Variants in PAPPA2 observed in about 807,000 individuals in gnomAD.
PAPPA2 encodes pappalysin-2.
PAPPA2 carries 86 observed loss-of-function variants against 176.4 expected under a neutral mutation model. That is an observed-to-expected ratio of 0.49 (90% CI 0.41 to 0.58). The LOEUF (loss-of-function observed/expected upper bound fraction) is 0.58. Ranked by LOEUF, PAPPA2 falls within the 20% of genes least tolerant of loss-of-function variation. The pLI is 0.00. For synonymous variants in PAPPA2, 809 were observed against 852.2 expected (o/e 0.95, Z 0.88); for missense variants, 2,073 against 2,256.9 (o/e 0.92, Z 1.65).
chr1:176,625,150 C>A (rs1376860063), intron 3 of PAPPA2, among the ~76,000 whole-genome samples: 2 of 152,234 alleles, frequency 1.3e-5, no homozygotes, highest in East Asian at 3.9e-4. Flanking sequence ...AGTAAGAAAG[C>A]CAGGGCTCAC....
chr1:176,684,383 A>G (rs1285706135), intron 4 of PAPPA2, among the ~76,000 whole-genome samples: 1 of 152,062 alleles, frequency 6.6e-6, no homozygotes, highest in Non-Finnish European at 1.5e-5. Context: ...GAAGTGAGAG[A>G]AGGTGGGGGA....
rs748449344 is a variant in PAPPA2, at chr1:176,557,041, A to C, written c.719A>C (p.Asn240Thr). 1 of 1,614,088 alleles carries C rather than the reference A, an allele frequency of 6.2e-7. No homozygotes were observed. Among genetic ancestry groups the C allele is most frequent in the Non-Finnish European group, 8.5e-7 (1 of 1,180,002 alleles). Residue 240 changes from asparagine (N) to threonine (T), a missense_variant, in exon 2 of 23, where the codon AAC becomes ACC. Physicochemically the swap from Asn to Thr is moderately conservative, Grantham distance 65 (BLOSUM62 0). Coordinates refer to ENST00000367662, the MANE Select transcript of PAPPA2 (RefSeq NM_020318.3). Reference sequence around the variant, plus strand: ...AAAAAGAGTCCACCGGAGGAAAGCAACCAAAATGGTGGAGAGGGCTCCTAC... The same window carrying C: ...AAAAAGAGTCCACCGGAGGAAAGCACCCAAAATGGTGGAGAGGGCTCCTAC... ...RVKKSPPEES[N>T]QNGGEGSYRE...
chr1:176,521,114 C>G (rs1166718343), intron 1 of PAPPA2, among the ~76,000 whole-genome samples: 1 of 148,570 alleles, frequency 6.7e-6, no homozygotes. Context: ...GAGACAGAGA[C>G]AGAGAGAGAG....
intron 2 of PAPPA2, among the ~76,000 whole-genome samples, chr1:176,589,995 G>C (rs1305959928): frequency 6.6e-6 from 1 of 152,214 alleles, no homozygotes. Flanking sequence ...GACCTGTGCA[G>C]GCTACTCTAT....
intron 3 of PAPPA2, among the ~76,000 whole-genome samples, chr1:176,621,228 G>A (rs1301531628): frequency 6.6e-6 from 1 of 152,172 alleles, no homozygotes; most frequent in Non-Finnish European, 1.5e-5. Flanking sequence ...AAAGCTACTT[G>A]AGGTCTTCTG....
At chr1:176,774,128 G>C (rs1664347878) in intron 17 of PAPPA2, among the ~76,000 whole-genome samples, 1 of 152,052 alleles carries the variant, frequency 6.6e-6, no homozygotes, top group Non-Finnish European at 1.5e-5. Flanking sequence ...CCTTCTTCCT[G>C]TCTGTCCACC....
At chr1:176,755,210 G>C (rs985113177) in intron 14 of PAPPA2, among the ~76,000 whole-genome samples, 4 of 152,086 alleles carry the variant, frequency 2.6e-5, no homozygotes, top group Non-Finnish European at 5.9e-5. Flanking sequence ...AAATTTACAA[G>C]GAAAATAAAC....
intron 10 of PAPPA2, 128 bp downstream of exon 10, chr1:176,706,578 G>T: frequency 1.3e-6 from 1 of 743,562 alleles, no homozygotes. Flanking sequence ...TCCCTTGTAT[G>T]CCAGGCATGA....
intron 3 of PAPPA2, among the ~76,000 whole-genome samples, chr1:176,667,693 C>G (rs1658747134): frequency 6.6e-6 from 1 of 152,104 alleles, no homozygotes; most frequent in Non-Finnish European, 1.5e-5. Context: ...GTCCCAGTCT[C>G]AAGGTGCACA....
intron 14 of PAPPA2, among the ~76,000 whole-genome samples, chr1:176,765,052 C>T (rs1226855415): frequency 6.6e-6 from 1 of 152,160 alleles, no homozygotes; most frequent in Non-Finnish European, 1.5e-5. Flanking sequence ...TTTCCTCTTC[C>T]AGTAATCGGT....
At chr1:176,511,900 G>A (rs1027323529) in intron 1 of PAPPA2, among the ~76,000 whole-genome samples, 4 of 152,038 alleles carry the variant, frequency 2.6e-5, no homozygotes, top group Admixed American at 1.3e-4. Context: ...CTACTTGGTA[G>A]GTGATGATTG....
intron 1 of PAPPA2, among the ~76,000 whole-genome samples, chr1:176,551,091 G>A (rs897839636): frequency 6.6e-6 from 1 of 151,862 alleles, no homozygotes; most frequent in Admixed American, 6.6e-5. Context: ...CCTTACCTGC[G>A]AAAAAAGGGG....
chr1:176,496,698 G>A (rs1056653643), intron 1 of PAPPA2, among the ~76,000 whole-genome samples: 1 of 152,188 alleles, frequency 6.6e-6, no homozygotes, highest in Admixed American at 6.5e-5. Flanking sequence ...TGAGCCACGG[G>A]AATCTAGGAA....
At chr1:176,646,977 G>A (rs1237775012) in intron 3 of PAPPA2, among the ~76,000 whole-genome samples, 1 of 151,310 alleles carries the variant, frequency 6.6e-6, no homozygotes, top group African/African-American at 2.4e-5. Flanking sequence ...GTTTTTTGAG[G>A]GGACTCTAAA....
rs542870442 is a variant in PAPPA2 at position 176,766,024 on chromosome 1, G to A, written c.4323+187G>A. 8.5e-5 allele frequency among the ~76,000 whole-genome samples: 13 copies of A among 152,332 alleles called. No individual in the cohort carries two copies. In the South Asian group the frequency reaches 2.5e-3, roughly 29 times the overall value. On this transcript the variant is annotated intron_variant, in intron 15 of 22. Transcript: ENST00000367662. ...TGCAAGGTATATAAAAGCATGTACA[G>A]TGCTGATTAAGTGGGTTGGTGGGCA...
chr1:176,700,781 C>T (rs919749527), intron 8 of PAPPA2, among the ~76,000 whole-genome samples: 2 of 152,136 alleles, frequency 1.3e-5, no homozygotes, highest in African/African-American at 2.4e-5. Flanking sequence ...GCAGCAAAGT[C>T]ACATGATAGA....
At chr1:176,738,858 C>G (rs904668348) in intron 12 of PAPPA2, among the ~76,000 whole-genome samples, 2 of 151,106 alleles carry the variant, frequency 1.3e-5, no homozygotes, top group African/African-American at 4.9e-5. Context: ...TTTTTTCTAT[C>G]AAAGGATTTC....
At chr1:176,651,994 A>C (rs1374347469) in intron 3 of PAPPA2, among the ~76,000 whole-genome samples, 1 of 151,458 alleles carries the variant, frequency 6.6e-6, no homozygotes, top group East Asian at 2.0e-4. Context: ...TTTTTAAAAA[A>C]CTATTATGTC....
At chr1:176,657,045 G>A (rs1658073678) in intron 3 of PAPPA2, among the ~76,000 whole-genome samples, 2 of 151,880 alleles carry the variant, frequency 1.3e-5, no homozygotes, top group Admixed American at 1.3e-4. Flanking sequence ...AGCCCAGACA[G>A]CATTCCTACT....
Sources: gnomAD v4.1 joint callset for allele counts (sites outside exome capture counted in the v4.1 genomes callset) on GRCh38, gnomAD v4.1.1 for gene constraint, MANE v1.5 for transcripts, NCBI Gene and HGNC (gene_info 2026-07-23, HGNC 2026-07-21) for gene names.